The following ATP8A2 variants were observed in gnomAD, a reference collection of about 807,000 sequenced individuals.
The protein encoded by ATP8A2 is ATPase phospholipid transporting 8A2.
ATP8A2 carries 100 observed loss-of-function variants against 165.6 expected under a neutral mutation model. The ratio of observed to expected loss-of-function variants is 0.60; its 90% confidence interval spans 0.51 to 0.71. ATP8A2 has a LOEUF of 0.71. Among genes scored for constraint, ATP8A2 ranks in the 30% least tolerant of loss-of-function variants. ATP8A2 has a pLI of 0.00. For missense variants in ATP8A2, 1,227 were observed against 1,479.5 expected (o/e 0.83, Z 2.80); for synonymous variants, 543 against 548.8 (o/e 0.99, Z 0.15).
intron 2 of ATP8A2, among the ~76,000 whole-genome samples, chr13:25,483,936 T>A (rs1384118380): frequency 6.6e-6 from 1 of 152,198 alleles, no homozygotes; most frequent in Non-Finnish European, 1.5e-5. Context: ...AAAAGGGAAG[T>A]GGACTTGCGT....
intron 2 of ATP8A2, among the ~76,000 whole-genome samples, chr13:25,490,239 T>A (rs976606881): frequency 6.6e-6 from 1 of 152,188 alleles, no homozygotes; most frequent in Non-Finnish European, 1.5e-5. Context: ...GGAGAGAAAC[T>A]CCGAGCAGCC....
chr13:26,011,341 C>T (rs527536999), intron 35 of ATP8A2, among the ~76,000 whole-genome samples: 1 of 152,260 alleles, frequency 6.6e-6, no homozygotes, highest in South Asian at 2.1e-4. Context: ...ATGCCTGTGT[C>T]CTCATCTCCT....
intron 35 of ATP8A2, among the ~76,000 whole-genome samples, chr13:25,969,228 T>A (rs1237938020): frequency 2.0e-5 from 3 of 152,176 alleles, no homozygotes; most frequent in African/African-American, 7.2e-5. Context: ...GCTCTCCTAA[T>A]TCCTCCTGAA....
intron 33 of ATP8A2, among the ~76,000 whole-genome samples, chr13:25,914,851 G>A (rs1214482096): frequency 6.6e-6 from 1 of 152,184 alleles, no homozygotes; most frequent in Non-Finnish European, 1.5e-5. Context: ...CTCCAAGCCT[G>A]GAACCAAGCC....
chr13:25,498,885 C>T (rs1055305754), intron 2 of ATP8A2, among the ~76,000 whole-genome samples: 12 of 152,152 alleles, frequency 7.9e-5, no homozygotes, highest in Non-Finnish European at 1.5e-5. Context: ...AGAGCTCATG[C>T]TTTTAGCCAC....
chr13:25,829,652 G>T (rs1951404523), intron 28 of ATP8A2, among the ~76,000 whole-genome samples: 1 of 115,244 alleles, frequency 8.7e-6, no homozygotes, highest in Non-Finnish European at 1.8e-5. Context: ...TTGTTGTAGA[G>T]CCAAGGACAG....
At chr13:25,768,086 G>T (rs888653657) in intron 25 of ATP8A2, among the ~76,000 whole-genome samples, 2 of 123,778 alleles carry the variant, frequency 1.6e-5, no homozygotes, top group East Asian at 2.6e-4. Context: ...TGGGGGGGGG[G>T]TGGTGGGGGG....
At chr13:25,629,876 T>G (rs1034258027) in intron 24 of ATP8A2, among the ~76,000 whole-genome samples, 24 of 152,170 alleles carry the variant, frequency 1.6e-4, no homozygotes, top group African/African-American at 5.1e-4. Context: ...ATTTTGATAT[T>G]TGAGAGGGAA....
At chr13:25,691,945 G>T (rs1385788859) in intron 24 of ATP8A2, among the ~76,000 whole-genome samples, 1 of 152,186 alleles carries the variant, frequency 6.6e-6, no homozygotes, top group East Asian at 1.9e-4. Context: ...AAAGCATGGA[G>T]AGCATTAGTG....
intron 25 of ATP8A2, among the ~76,000 whole-genome samples, chr13:25,710,820 G>A (rs1055104205): frequency 7.8e-6 from 1 of 128,132 alleles, no homozygotes; most frequent in East Asian, 2.0e-4. Context: ...ATGAGTGTGT[G>A]GTGGGAAATC....
At chr13:25,585,526 C>T (rs1400775981) in intron 23 of ATP8A2, among the ~76,000 whole-genome samples, 1 of 152,114 alleles carries the variant, frequency 6.6e-6, no homozygotes. Context: ...CCCACCCTCC[C>T]TGCATTTTGT....
intron 25 of ATP8A2, among the ~76,000 whole-genome samples, chr13:25,715,175 G>A (rs2043230342): frequency 6.6e-6 from 1 of 152,132 alleles, no homozygotes; most frequent in Admixed American, 6.5e-5. Context: ...TGTTGTGTTG[G>A]GAGTAGTGCA....
At chr13:25,688,341 C>T (rs1307432365) in intron 24 of ATP8A2, among the ~76,000 whole-genome samples, 3 of 152,156 alleles carry the variant, frequency 2.0e-5, no homozygotes, top group Non-Finnish European at 4.4e-5. Context: ...AAAGCCCACC[C>T]TCACGCACCC....
At chr13:25,476,420 C>G (rs939572253) in intron 2 of ATP8A2, among the ~76,000 whole-genome samples, 10 of 151,982 alleles carry the variant, frequency 6.6e-5, no homozygotes, top group African/African-American at 2.4e-4. Flanking sequence ...TCTCGAGTAG[C>G]TGCGATTACA....
chr13:25,845,608 G>A (rs1951843480), intron 30 of ATP8A2, among the ~76,000 whole-genome samples: 1 of 152,118 alleles, frequency 6.6e-6, no homozygotes, highest in Admixed American at 6.5e-5. Flanking sequence ...TAATAAATTT[G>A]CTCCTGTAAG....
intron 2 of ATP8A2, among the ~76,000 whole-genome samples, chr13:25,496,415 A>G (rs1217490166): frequency 6.6e-6 from 1 of 152,144 alleles, no homozygotes; most frequent in African/African-American, 2.4e-5. Context: ...AGGAGAGAAT[A>G]CTTTTTTTCT....
At position 25,538,499 on chromosome 13, in the gene ATP8A2, T is replaced by G. The variant is rs181458650; in HGVS notation, c.581+438T>G. Among the ~76,000 whole-genome samples the G allele has an allele frequency of 1.9e-3, 292 of 152,334 alleles. 2 individuals carry two copies. The highest frequency in any genetic ancestry group is 2.7e-3 in the Non-Finnish European group (182 of 68,032). ...CGTGGGTGTTTTCTCAGCGTAATCGTGACCAGCAGATGGTGTTTGCTCTTC... is the reference window on the plus strand; with the variant it reads ...CGTGGGTGTTTTCTCAGCGTAATCGGGACCAGCAGATGGTGTTTGCTCTTC... On this transcript the variant is annotated intron_variant, in intron 7 of 36. Coordinates refer to ENST00000381655, the MANE Select transcript of ATP8A2 (RefSeq NM_016529.6).
At chr13:25,924,340 G>C (rs997033530) in intron 33 of ATP8A2, among the ~76,000 whole-genome samples, 6 of 152,174 alleles carry the variant, frequency 3.9e-5, no homozygotes, top group Non-Finnish European at 8.8e-5. Flanking sequence ...GACAGGGTTG[G>C]TTCCCTCTCA....
At chr13:25,633,977 A>C (rs1011387539) in intron 24 of ATP8A2, among the ~76,000 whole-genome samples, 1 of 137,730 alleles carries the variant, frequency 7.3e-6, no homozygotes, top group African/African-American at 2.7e-5. Context: ...CCCTGTCTCA[A>C]AAAAAAAAAA....
Sources: gnomAD v4.1 joint callset for allele counts (sites outside exome capture counted in the v4.1 genomes callset) on GRCh38, gnomAD v4.1.1 for gene constraint, MANE v1.5 for transcripts, NCBI Gene and HGNC (gene_info 2026-07-23, HGNC 2026-07-21) for gene names.